The following CAST variants were observed in gnomAD, a reference collection of about 807,000 sequenced individuals.
CAST encodes the protein calpastatin.
Under a neutral mutation model 119.6 loss-of-function variants are expected in CAST, and 76 were observed. That is an observed-to-expected ratio of 0.64 (90% CI 0.53 to 0.77). CAST has a LOEUF of 0.77. Among genes scored for constraint, CAST ranks in the 30% least tolerant of loss-of-function variants. CAST has a pLI of 0.00. For missense variants in CAST, 953 were observed against 946.5 expected (o/e 1.01, Z -0.09); for synonymous variants, 319 against 331.6 (o/e 0.96, Z 0.41).
chr5:96,397,392 C>T, the CAST span: 71 of 1,611,930 alleles, frequency 4.4e-5, no homozygotes, highest in Non-Finnish European at 5.6e-5. Flanking sequence ...CATGTGTGAA[C>T]AGACATGAAG....
chr5:96,368,493 C>T, the CAST span, among the ~76,000 whole-genome samples: 2 of 144,760 alleles, frequency 1.4e-5, no homozygotes, highest in Non-Finnish European at 3.0e-5. Context: ...AAGAGTGAAA[C>T]TCCATCTAAA....
At chr5:96,218,015 C>T in the CAST span, among the ~76,000 whole-genome samples, 1 of 152,062 alleles carries the variant, frequency 6.6e-6, no homozygotes, top group Non-Finnish European at 1.5e-5. Context: ...TGTCTCCTAC[C>T]TCAGTTAATT....
the CAST span, among the ~76,000 whole-genome samples, chr5:96,492,753 T>C: frequency 6.6e-6 from 1 of 152,298 alleles, no homozygotes; most frequent in Non-Finnish European, 1.5e-5. Flanking sequence ...CACATGGAAG[T>C]AGATAAAACT....
the CAST span, among the ~76,000 whole-genome samples, chr5:96,259,968 T>C: frequency 6.6e-6 from 1 of 152,052 alleles, no homozygotes; most frequent in Non-Finnish European, 1.5e-5. Flanking sequence ...TAAGAAGCTT[T>C]CTTCTATTTA....
At chr5:96,593,755 C>A (rs1393393486) in intron 1 of CAST, among the ~76,000 whole-genome samples, 2 of 152,152 alleles carry the variant, frequency 1.3e-5, no homozygotes, top group East Asian at 3.9e-4. Flanking sequence ...AGCTCTCTTG[C>A]CCTCTTTCCA....
chr5:95,980,153 T>C, the CAST span, among the ~76,000 whole-genome samples: 3 of 151,760 alleles, frequency 2.0e-5, no homozygotes, highest in South Asian at 4.2e-4. Context: ...AGCAAAAAAA[T>C]AAAAATAAAA....
At chr5:96,559,660 C>T (rs1196088506) in intron 1 of CAST, among the ~76,000 whole-genome samples, 1 of 152,100 alleles carries the variant, frequency 6.6e-6, no homozygotes, top group Non-Finnish European at 1.5e-5. Context: ...ACGTAAAGGA[C>T]CCCTTCAAGG....
chr5:95,963,725 C>CTTTTTTTTTTTTTT, the CAST span, among the ~76,000 whole-genome samples: 86 of 129,954 alleles, frequency 6.6e-4, 2 homozygotes, highest in African/African-American at 2.1e-3. Context: ...TTCTCTCTCT[C>CTTTTTTTTTTTTTT]TTTTTTTTTT....
chr5:96,430,248 AGC>A, the CAST span, among the ~76,000 whole-genome samples: 1 of 152,288 alleles, frequency 6.6e-6, no homozygotes, highest in East Asian at 1.9e-4. Context: ...TATTCTTTTG[AGC>A]TAGTCTCCCT....
At position 96,650,034 on chromosome 5, in the gene CAST, C is replaced by A. The variant is rs148371693; in HGVS notation, c.61-25505C>A. On this transcript the variant is annotated intron_variant, in intron 1 of 11. Transcript: ENST00000505143. ...TATCTCTATTTTACAGTTGAAGAATCTGAGTCAGAGAGATTGAATAAATTA... is the reference window on the plus strand; with the variant it reads ...TATCTCTATTTTACAGTTGAAGAATATGAGTCAGAGAGATTGAATAAATTA... 6.4e-3 allele frequency among the ~76,000 whole-genome samples: 970 copies of A among 152,316 alleles called. 4 individuals carry two copies. Among genetic ancestry groups the A allele is most frequent in the Non-Finnish European group, 8.1e-3 (551 of 68,030 alleles).
At chr5:96,502,109 G>T in the CAST span, among the ~76,000 whole-genome samples, 1 of 152,182 alleles carries the variant, frequency 6.6e-6, no homozygotes, top group Admixed American at 6.5e-5. Context: ...CAAGATTGAT[G>T]TGATAGTTCC....
chr5:96,021,177 G>T, the CAST span, among the ~76,000 whole-genome samples: 9 of 152,064 alleles, frequency 5.9e-5, no homozygotes, highest in African/African-American at 2.2e-4. Flanking sequence ...TTTAGTTAAG[G>T]ATCATTAGAA....
At chr5:96,210,034 G>T in the CAST span, 9 of 149,822 alleles carry the variant, frequency 6.0e-5, no homozygotes, top group South Asian at 2.1e-4. Context: ...TTAAGATATT[G>T]TCTTTTCTTT....
chr5:96,594,006 A>G (rs1220253102), intron 1 of CAST, among the ~76,000 whole-genome samples: 1 of 152,260 alleles, frequency 6.6e-6, no homozygotes, highest in African/African-American at 2.4e-5. Flanking sequence ...CAAAGATCAC[A>G]GAATTCCAGT....
chr5:96,053,628 TGTA>T, the CAST span, among the ~76,000 whole-genome samples: 1 of 152,224 alleles, frequency 6.6e-6, no homozygotes, highest in African/African-American at 2.4e-5. Flanking sequence ...GCAATCTTCT[TGTA>T]GGAGAGTATT....
the CAST span, among the ~76,000 whole-genome samples, chr5:96,517,996 G>A: frequency 6.6e-6 from 1 of 152,196 alleles, no homozygotes; most frequent in Non-Finnish European, 1.5e-5. Context: ...CTGAAACATA[G>A]AGAAGTTAAT....
chr5:96,281,546 A>T, the CAST span, among the ~76,000 whole-genome samples: 1 of 152,182 alleles, frequency 6.6e-6, no homozygotes, highest in East Asian at 1.9e-4. Context: ...TAAGCAATTC[A>T]CGGCAAGTAA....
the CAST span, among the ~76,000 whole-genome samples, chr5:96,145,444 CA>C: frequency 6.6e-6 from 1 of 152,124 alleles, no homozygotes; most frequent in African/African-American, 2.4e-5. Flanking sequence ...ATGTAGAAGA[CA>C]AAGACTCAGA....
intron 3 of CAST, among the ~76,000 whole-genome samples, chr5:96,717,020 GTATT>G (rs1757308445): frequency 6.6e-6 from 1 of 152,070 alleles, no homozygotes; most frequent in Non-Finnish European, 1.5e-5. Flanking sequence ...AAAACTTAAA[GTATT>G]AAAACTGTAT....
Sources: allele counts gnomAD v4.1 joint callset (sites outside exome capture counted in the v4.1 genomes callset), GRCh38; gene constraint gnomAD v4.1.1; transcripts MANE v1.5; gene names NCBI Gene and HGNC (gene_info 2026-07-23, HGNC 2026-07-21).